Variants in HMG20A observed in about 807,000 individuals in gnomAD.
HMG20A encodes high mobility group 20A.
In HMG20A, 17 loss-of-function variants were observed where a neutral mutation model predicts 43.9. That is an observed-to-expected ratio of 0.39 (90% CI 0.27 to 0.58). The LOEUF (loss-of-function observed/expected upper bound fraction) is 0.58, where lower values mean the gene tolerates loss of function less well. Ranked by LOEUF, HMG20A falls within the 20% of genes least tolerant of loss-of-function variation. The probability of loss-of-function intolerance (pLI) is 0.59; values close to 1 mark genes in which losing one functional copy is unlikely to be tolerated. For missense variants in HMG20A, 341 were observed against 438.2 expected (o/e 0.78, Z 1.98); for synonymous variants, 132 against 147.5 (o/e 0.89, Z 0.76).
rs1473312290 is a variant in HMG20A at position 77,483,438 on chromosome 15, C to T, written c.*475C>T. On this transcript the variant is annotated 3_prime_UTR_variant, in exon 10 of 10. Transcript: ENST00000336216. ...TTTCCTTGGCCCCCACCAATTTATA[C>T]ATCTCCATTTTCTGACCTCTGGACT... 1 of 152,684 alleles carries T rather than the reference C, an allele frequency of 6.5e-6. No individual in the cohort carries two copies. The highest frequency in any genetic ancestry group is 1.5e-5 in the Non-Finnish European group (1 of 68,082). The allele number at this position is 152,684 out of a possible 1,614,324, so 9.5% of individuals were successfully genotyped here.
intron 1 of HMG20A, among the ~76,000 whole-genome samples, chr15:77,430,276 G>T (rs931364084): frequency 6.6e-6 from 1 of 152,136 alleles, no homozygotes; most frequent in Non-Finnish European, 1.5e-5. Context: ...AATACTCTAG[G>T]TTAAATAACT....
downstream of HMG20A, among the ~76,000 whole-genome samples, chr15:77,486,259 CTTTTT>C (rs71145843): frequency 7.8e-6 from 1 of 128,690 alleles, no homozygotes; most frequent in South Asian, 2.5e-4. Context: ...TAAATGCTTG[CTTTTT>C]TTTTTTTTTT....
chr15:77,478,298 G>A lies in HMG20A; in HGVS notation c.695G>A (p.Arg232Gln), dbSNP rs913478195. 21 of 1,613,050 alleles carry A rather than the reference G, an allele frequency of 1.3e-5. No homozygotes were observed. The highest frequency in any genetic ancestry group is 6.7e-5 in the East Asian group (3 of 44,878). ...TCTGTGGGATGTATGTCCTCAGCTC[G>A]GGAAGCAGAGCTCCGCCAGCTTCGC... ...TEEFLNHSKA[R>Q]EAELRQLRKS... The change falls in exon 8 of 10, where the codon CGG becomes CAG. Residue 232 changes from arginine to glutamine, a missense_variant. This residue lies in a region of HMG20A where 118 missense variants were observed against 154.5 expected (regional missense o/e 0.76). Transcript: ENST00000336216.
chr15:77,426,008 T>A (rs1001441699), intron 1 of HMG20A, among the ~76,000 whole-genome samples: 11 of 152,124 alleles, frequency 7.2e-5, no homozygotes, highest in African/African-American at 2.7e-4. Flanking sequence ...GTGAAAGAAG[T>A]CACATACAAA....
At chr15:77,504,486 G>A in the HMG20A span, among the ~76,000 whole-genome samples, 1 of 152,246 alleles carries the variant, frequency 6.6e-6, no homozygotes, top group African/African-American at 2.4e-5. Flanking sequence ...TTTGCGCGGG[G>A]TGCGCCTTCT....
At chr15:77,438,728 G>GA (rs1213066890) in intron 1 of HMG20A, among the ~76,000 whole-genome samples, 1 of 151,828 alleles carries the variant, frequency 6.6e-6, no homozygotes. Context: ...CAAAACCCTT[G>GA]AAAAAATGCC....
At chr15:77,478,649 T>TC (rs1214084552) in intron 8 of HMG20A, 139 bp downstream of exon 8, 8 of 690,482 alleles carry the variant, frequency 1.2e-5, no homozygotes, top group Non-Finnish European at 1.9e-5. Flanking sequence ...TTTTTTCTTC[T>TC]CTGGATATAA....
the HMG20A span, among the ~76,000 whole-genome samples, chr15:77,506,784 G>A: frequency 6.6e-6 from 1 of 152,258 alleles, no homozygotes; most frequent in Non-Finnish European, 1.5e-5. Context: ...TGTGGAAACA[G>A]GAAATGTCCT....
chr15:77,449,736 C>T (rs2073714740), intron 1 of HMG20A, among the ~76,000 whole-genome samples: 1 of 152,154 alleles, frequency 6.6e-6, no homozygotes, highest in Admixed American at 6.5e-5. Context: ...CCCACACACA[C>T]AGCCTCCCCA....
At chr15:77,481,326 A>G (rs1313528490) in intron 9 of HMG20A, among the ~76,000 whole-genome samples, 1 of 152,232 alleles carries the variant, frequency 6.6e-6, no homozygotes, top group Non-Finnish European at 1.5e-5. Context: ...GCTGCTGCTT[A>G]TGAAGGGAAC....
intron 1 of HMG20A, among the ~76,000 whole-genome samples, chr15:77,446,263 G>A (rs543072735): frequency 1.1e-3 from 160 of 151,648 alleles, no homozygotes; most frequent in Non-Finnish European, 2.0e-3. Context: ...AATAAATACC[G>A]TTATACACAT....
the HMG20A span, among the ~76,000 whole-genome samples, chr15:77,500,828 C>G: frequency 6.6e-6 from 1 of 152,012 alleles, no homozygotes; most frequent in Admixed American, 6.5e-5. Context: ...CTTGGCCTCC[C>G]AAAGTGCTGG....
chr15:77,443,370 G>C (rs571905089), intron 1 of HMG20A, among the ~76,000 whole-genome samples: 1 of 124,800 alleles, frequency 8.0e-6, no homozygotes, highest in Non-Finnish European at 1.8e-5. Flanking sequence ...TGATGATGAT[G>C]ATGATGATGA....
chr15:77,441,919 G>C (rs16968835), intron 1 of HMG20A, among the ~76,000 whole-genome samples: 1 of 152,000 alleles, frequency 6.6e-6, no homozygotes, highest in South Asian at 2.1e-4. Context: ...TGATGAGCTT[G>C]AGAGTACCAA....
the HMG20A span, among the ~76,000 whole-genome samples, chr15:77,499,399 T>G: frequency 0.08 from 12,151 of 152,152 alleles, 589 homozygotes; most frequent in Non-Finnish European, 0.1. Flanking sequence ...AACCCACATT[T>G]TCTCTAATAC....
At chr15:77,482,782 A>C (rs1243248897) in intron 9 of HMG20A, 188 bp from the exon 10 acceptor site, 1 of 152,194 alleles carries the variant, frequency 6.6e-6, no homozygotes, top group African/African-American at 2.4e-5. Flanking sequence ...CATCTCAATG[A>C]GGTTGCCTGC....
At position 77,436,457 on chromosome 15, in the gene HMG20A, T is replaced by C. The variant is rs114995628; in HGVS notation, c.-5+15453T>C. 7.0e-3 allele frequency among the ~76,000 whole-genome samples: 1,058 copies of C among 152,186 alleles called. 9 individuals carry two copies. The highest frequency in any genetic ancestry group is 0.024 in the African/African-American group (1,009 of 41,528). On this transcript the variant is annotated intron_variant, in intron 1 of 9. Transcript: ENST00000336216. ...TGATCTTTATAGATCCATTTTCTTTTTTTTTTTTCCCTCCCCCAAGATGGA... is the reference window on the plus strand; with the variant it reads ...TGATCTTTATAGATCCATTTTCTTTCTTTTTTTTCCCTCCCCCAAGATGGA...
chr15:77,474,348 C>A (rs2072836684), intron 6 of HMG20A, among the ~76,000 whole-genome samples: 1 of 152,208 alleles, frequency 6.6e-6, no homozygotes, highest in African/African-American at 2.4e-5. Flanking sequence ...CAGTGATCCT[C>A]TCAACTGACC....
intron 1 of HMG20A, among the ~76,000 whole-genome samples, chr15:77,433,867 G>A (rs1033360478): frequency 2.6e-5 from 4 of 152,214 alleles, no homozygotes; most frequent in African/African-American, 9.6e-5. Context: ...GGTGATTTGT[G>A]TACATGATGG....
Sources: gnomAD v4.1 joint callset for allele counts (sites outside exome capture counted in the v4.1 genomes callset) on GRCh38, gnomAD v4.1.1 for gene constraint, gnomAD v4.1.1 regional missense constraint, MANE v1.5 for transcripts, NCBI Gene and HGNC (gene_info 2026-07-23, HGNC 2026-07-21) for gene names.